The following CHLSN variants were observed in gnomAD, a reference collection of about 807,000 sequenced individuals.
The protein encoded by CHLSN is protein cholesin.
chr7:1,034,512 C>T, the CHLSN span, among the ~76,000 whole-genome samples: 7 of 152,244 alleles, frequency 4.6e-5, no homozygotes, highest in Non-Finnish European at 8.8e-5. Flanking sequence ...TGCCTGATTT[C>T]GGGACATCGG....
chr7:985,539 C>A, the CHLSN span, among the ~76,000 whole-genome samples: 1 of 152,166 alleles, frequency 6.6e-6, no homozygotes, highest in Non-Finnish European at 1.5e-5. Context: ...AATGGGGGAT[C>A]CCCATCTCCC....
At chr7:1,125,211 C>T in the CHLSN span, among the ~76,000 whole-genome samples, 3,669 of 152,328 alleles carry the variant, frequency 0.024, 50 homozygotes, top group Non-Finnish European at 0.029. Context: ...TCCACCGTCC[C>T]GGGCATCCGT....
the CHLSN span, among the ~76,000 whole-genome samples, chr7:1,035,061 G>A: frequency 6.6e-6 from 1 of 152,164 alleles, no homozygotes; most frequent in South Asian, 2.1e-4. Flanking sequence ...CATTTCAGCT[G>A]GTGTCATGTC....
chr7:1,108,252 C>G, the CHLSN span, among the ~76,000 whole-genome samples: 5 of 134,954 alleles, frequency 3.7e-5, no homozygotes, highest in African/African-American at 1.5e-4. Flanking sequence ...CAGAGGAGGG[C>G]TGTGTCCCGC....
At chr7:1,062,271 G>C in the CHLSN span, among the ~76,000 whole-genome samples, 5 of 150,960 alleles carry the variant, frequency 3.3e-5, no homozygotes, top group Non-Finnish European at 7.4e-5. Context: ...GTGGCGAAGA[G>C]ATCAGGAAAT....
chr7:1,125,621 C>T, the CHLSN span, among the ~76,000 whole-genome samples: 1 of 152,260 alleles, frequency 6.6e-6, no homozygotes, highest in Non-Finnish European at 1.5e-5. Flanking sequence ...AGCTACAACA[C>T]TACTCTTGTT....
chr7:1,080,698 T>C, the CHLSN span, among the ~76,000 whole-genome samples: 1 of 152,274 alleles, frequency 6.6e-6, no homozygotes, highest in Admixed American at 6.5e-5. Flanking sequence ...CTACAGGTTC[T>C]CGGCTAAGGC....
At chr7:1,052,887 C>A in the CHLSN span, among the ~76,000 whole-genome samples, 1 of 152,312 alleles carries the variant, frequency 6.6e-6, no homozygotes, top group African/African-American at 2.4e-5. The surrounding 1 kb of genome is among the most constrained non-coding windows in gnomAD (Gnocchi z 4.2). Context: ...CAGAATCTTT[C>A]ATCGCCGCCA....
At chr7:1,057,400 C>T in the CHLSN span, 2 of 609,058 alleles carry the variant, frequency 3.3e-6, no homozygotes, top group South Asian at 1.9e-5. Context: ...GCGATTACTG[C>T]ACCAGGAGAA....
the CHLSN span, among the ~76,000 whole-genome samples, chr7:1,108,748 C>T: frequency 8.3e-4 from 127 of 152,306 alleles, no homozygotes; most frequent in African/African-American, 3.0e-3. Context: ...CTGACACACA[C>T]GCCCCTACCG....
chr7:987,049 T>C, the CHLSN span: 2,741 of 1,439,730 alleles, frequency 1.9e-3, 5 homozygotes, highest in Non-Finnish European at 2.4e-3. Flanking sequence ...GGGCTGGGTC[T>C]GTGGGGTGGG....
the CHLSN span, among the ~76,000 whole-genome samples, chr7:1,002,612 G>A: frequency 1.8e-5 from 2 of 108,692 alleles, no homozygotes; most frequent in Admixed American, 9.5e-5. Context: ...GGTGAGTGGA[G>A]TCCTGCGGGT....
the CHLSN span, among the ~76,000 whole-genome samples, chr7:980,845 G>T: frequency 2.6e-5 from 4 of 151,870 alleles, no homozygotes; most frequent in Non-Finnish European, 4.4e-5. Flanking sequence ...CCGCTATCAC[G>T]CCCGGCTAAT....
chr7:1,033,695 C>T, the CHLSN span, among the ~76,000 whole-genome samples: 7 of 152,218 alleles, frequency 4.6e-5, no homozygotes, highest in East Asian at 1.2e-3. Context: ...CCCAGGAAAT[C>T]GGTAACGGAG....
chr7:1,028,852 G>T, the CHLSN span: 4 of 715,088 alleles, frequency 5.6e-6, no homozygotes, highest in African/African-American at 3.1e-5. Context: ...CATCTTCCCA[G>T]TCTGCCATCT....
the CHLSN span, among the ~76,000 whole-genome samples, chr7:1,118,346 T>C: frequency 6.6e-6 from 1 of 152,180 alleles, no homozygotes; most frequent in African/African-American, 2.4e-5. Flanking sequence ...AAAAACCCGA[T>C]ACAAGAGAAT....
chr7:986,312 A>G, the CHLSN span: 3 of 396,320 alleles, frequency 7.6e-6, no homozygotes, highest in Non-Finnish European at 1.4e-5. Context: ...TCTGTCTTCC[A>G]TTCCATGACT....
the CHLSN span, among the ~76,000 whole-genome samples, chr7:991,607 G>A: frequency 2.0e-5 from 3 of 152,344 alleles, no homozygotes; most frequent in Admixed American, 6.5e-5. Flanking sequence ...GGCACGTCCC[G>A]GGGGCTTGCT....
the CHLSN span, among the ~76,000 whole-genome samples, chr7:1,021,083 C>A: frequency 6.6e-6 from 1 of 151,840 alleles, no homozygotes; most frequent in Admixed American, 6.6e-5. Flanking sequence ...GCAGGCACCT[C>A]CAGGCTGGGG....
Sources: allele counts gnomAD v4.1 joint callset (sites outside exome capture counted in the v4.1 genomes callset), GRCh38; gene constraint gnomAD v4.1.1; non-coding constraint Gnocchi (gnomAD v3.1); transcripts MANE v1.5; gene names NCBI Gene and HGNC (gene_info 2026-07-23, HGNC 2026-07-21).